The following SFSWAP variants were observed in gnomAD, a reference collection of about 807,000 sequenced individuals.
The protein encoded by SFSWAP is splicing factor SWAP, also known as splicing factor, suppressor of white-apricot homolog.
SFSWAP carries 17 observed loss-of-function variants against 100.7 expected under a neutral mutation model. The ratio of observed to expected loss-of-function variants is 0.17; its 90% CI spans 0.12 to 0.25. The LOEUF (loss-of-function observed/expected upper bound fraction) is 0.25. Among genes scored for constraint, SFSWAP ranks in the 10% least tolerant of loss-of-function variants. The probability of loss-of-function intolerance (pLI) is 1.00; values close to 1 mark genes in which losing one functional copy is unlikely to be tolerated. For synonymous variants in SFSWAP, 504 were observed against 510.1 expected (o/e 0.99, Z 0.16); for missense variants, 1,005 against 1,262.6 (o/e 0.80, Z 3.09).
chr12:131,777,625 G>C (rs1017368925), intron 13 of SFSWAP, among the ~76,000 whole-genome samples: 1 of 152,204 alleles, frequency 6.6e-6, no homozygotes, highest in Non-Finnish European at 1.5e-5. Flanking sequence ...TGTCTTTATA[G>C]CAGCATGATT....
rs758425980 is a variant in SFSWAP at position 131,753,127 on chromosome 12, C to G, written c.1086C>G (p.Thr362=). 1 of 1,613,994 alleles carries G rather than the reference C, an allele frequency of 6.2e-7. No individual in the cohort carries two copies. The highest frequency in any genetic ancestry group is 8.5e-7 in the Non-Finnish European group (1 of 1,180,018). Residue 362 remains threonine (T), a synonymous_variant, in exon 8 of 18, where the codon ACC becomes ACG. Transcript: ENST00000261674. ...CGGGGCAATGTGTCTCCACAGCGACCGTGGCAGCCATGTATTACAGCTACT... is the reference window on the plus strand; with the variant it reads ...CGGGGCAATGTGTCTCCACAGCGACGGTGGCAGCCATGTATTACAGCTACT... ...PSQVEYTADS[T]VAAMYYSYYM...
rs754541610 is a variant in SFSWAP at position 131,725,649 on chromosome 12, G to A, written c.832+19G>A. On this transcript the variant is annotated intron_variant, in intron 5 of 17. Transcript: ENST00000261674. The surrounding 1 kb of genome is among the most constrained non-coding windows in gnomAD (Gnocchi z 4.3). The stretch of plus-strand genomic sequence containing the variant: ...AAAAAAAGTAGGTCCCACTGCGTCT[G>A]TTCCGTCCAGACTTTGGGCCTGTGT... 1 of 1,582,354 alleles carries A rather than the reference G, an allele frequency of 6.3e-7. No individual in the cohort carries two copies. Among genetic ancestry groups the A allele is most frequent in the Non-Finnish European group, 8.6e-7 (1 of 1,157,394 alleles).
At chr12:131,742,327 T>C (rs1194711087) in intron 7 of SFSWAP, among the ~76,000 whole-genome samples, 3 of 152,174 alleles carry the variant, frequency 2.0e-5, no homozygotes, top group Non-Finnish European at 4.4e-5. Flanking sequence ...ATGTAAGAAG[T>C]CTTCAAAACC....
rs1877704165 is a variant in SFSWAP at position 131,714,581 on chromosome 12, T to G, written c.389-241T>G. ...TTAATACAGTTCTTAATCCCAAAAT[T>G]TTCTCAGCAGGAAGAAATTTTCCAC... On this transcript the variant is annotated intron_variant, in intron 2 of 17. Transcript: ENST00000261674. This position sits in a 1 kb window ranked among gnomAD's most constrained non-coding sequence, Gnocchi z 6.0. The G allele has an allele frequency of 1.9e-6, 1 of 522,938 alleles. No individual in the cohort carries two copies. Among genetic ancestry groups the G allele is most frequent in the South Asian group, 2.5e-5 (1 of 39,216 alleles). 32.4% of individuals were successfully genotyped at this position (522,938 alleles called of 1,614,324 possible).
rs147198970 is a variant in SFSWAP, at chr12:131,778,248, T to C, written c.2326T>C (p.Ser776Pro). ...AAGATCACGTTCTCCCAAGTACCAT[T>C]CGTCATCCAAGTCCAGGTCTAGATC... is the stretch of plus-strand genomic sequence containing the variant. The part of the protein sequence containing the change: ...RTRSRSPKYH[S>P]SSKSRSRSHS... Residue 776 changes from serine (S) to proline (P), a missense_variant, in exon 14 of 18, where the codon TCG (serine) becomes CCG (proline). By Grantham distance (74) the Ser-to-Pro change is moderately conservative (BLOSUM62 -1). Around this residue, in one of 7 missense-constraint regions of SFSWAP, gnomAD observed 295 missense variants for 347.9 expected, o/e 0.85. Coordinates refer to ENST00000261674, the MANE Select transcript of SFSWAP (RefSeq NM_004592.4). The surrounding 1 kb of genome is among the most constrained non-coding windows in gnomAD (Gnocchi z 4.2). The C allele has an allele frequency of 1.4e-4, 222 of 1,613,972 alleles. No individual in the cohort carries two copies. The highest frequency in any genetic ancestry group is 3.7e-4 in the Admixed American group (22 of 60,008).
rs759601728 is a variant in SFSWAP at position 131,766,169 on chromosome 12, C to T, written c.2003C>T (p.Ala668Val). Residue 668 changes from alanine (A) to valine (V), a missense_variant, in exon 13 of 18, where the codon GCC becomes GTC. By Grantham distance (64) the Ala-to-Val change is moderately conservative (BLOSUM62 0). This residue lies in a region of SFSWAP where 82 missense variants were observed against 131.0 expected (regional missense o/e 0.63). Coordinates refer to ENST00000261674, the MANE Select transcript of SFSWAP (RefSeq NM_004592.4). ...GCAGCTGCTGCCCGGGAAAAGCTGG[C>T]CCAGGCGTCTAAGGAGTCAAAAGAG... is the stretch of plus-strand genomic sequence containing the variant. ...RLAAAAREKL[A>V]QASKESKEKQ... 1.2e-6 allele frequency: 2 copies of T among 1,613,972 alleles called. No individual in the cohort carries two copies. Among genetic ancestry groups the T allele is most frequent in the South Asian group, 1.1e-5 (1 of 91,064 alleles).
chr12:131,714,873 A>T lies in SFSWAP; in HGVS notation c.440A>T (p.Asn147Ile). ...GCACTAGCAGAGGATGGGAGCTACAATGCCGTGGGGTTCACTTACGGTAGC... is the reference window on the plus strand; with the variant it reads ...GCACTAGCAGAGGATGGGAGCTACATTGCCGTGGGGTTCACTTACGGTAGC... ...SEALAEDGSYNAVGFTYGSDY... is the reference protein window; with the variant it reads ...SEALAEDGSYIAVGFTYGSDY... The change falls in exon 3 of 18, where the codon AAT (asparagine) becomes ATT (isoleucine). Residue 147 changes from asparagine to isoleucine, a missense_variant. Physicochemically the swap from Asn to Ile is moderately radical, Grantham distance 149. This residue lies in a region of SFSWAP where 237 missense variants were observed against 337.0 expected (regional missense o/e 0.70). Coordinates refer to ENST00000261674, the MANE Select transcript of SFSWAP (RefSeq NM_004592.4). The surrounding 1 kb of genome is among the most constrained non-coding windows in gnomAD (Gnocchi z 6.0). The T allele has an allele frequency of 6.2e-7, 1 of 1,614,136 alleles. No individual in the cohort carries two copies. The highest frequency in any genetic ancestry group is 8.5e-7 in the Non-Finnish European group (1 of 1,179,978).
intron 8 of SFSWAP, 142 bp downstream of exon 8, chr12:131,753,505 C>T (rs777997029): frequency 9.9e-5 from 111 of 1,124,064 alleles, no homozygotes; most frequent in Non-Finnish European, 1.3e-4. Context: ...ATTCCAAATC[C>T]CCAAGTTACA....
intron 15 of SFSWAP, among the ~76,000 whole-genome samples, chr12:131,795,390 G>A (rs1057016495): frequency 5.3e-5 from 8 of 152,214 alleles, no homozygotes; most frequent in African/African-American, 1.7e-4. Context: ...GGACAGAAAC[G>A]CTCAGTCCCC....
In SFSWAP at chr12:131,789,537, C is replaced by CA. The variant is rs1247768573; in HGVS notation, c.2534+2957dup. ...GGTAACAGAGTGAAACCCTCTCTTT[C>CA]AAAAAAAAGTGTACAATAAACACCC... On this transcript the variant is annotated intron_variant, in intron 15 of 17. Coordinates refer to ENST00000261674, the MANE Select transcript of SFSWAP (RefSeq NM_004592.4). Among the ~76,000 whole-genome samples the CA allele has an allele frequency of 5.0e-4, 76 of 151,700 alleles. 1 individual carries two copies. Among genetic ancestry groups the CA allele is most frequent in the Admixed American group, 9.8e-4 (15 of 15,250 alleles).
At chr12:131,735,267 G>A (rs945514332) in intron 7 of SFSWAP, among the ~76,000 whole-genome samples, 5 of 152,206 alleles carry the variant, frequency 3.3e-5, no homozygotes, top group African/African-American at 1.2e-4. Context: ...ATTTATGCGC[G>A]CTTTCTGACG....
chr12:131,722,031 A>G (rs1296265132), intron 4 of SFSWAP, among the ~76,000 whole-genome samples: 1 of 152,252 alleles, frequency 6.6e-6, no homozygotes, highest in Non-Finnish European at 1.5e-5. Flanking sequence ...AAGTGTCTGC[A>G]TTATAAGTTG....
intron 17 of SFSWAP, 77 bp downstream of exon 17, chr12:131,799,186 TC>T: frequency 8.3e-7 from 1 of 1,207,184 alleles, no homozygotes; most frequent in South Asian, 1.2e-5. Flanking sequence ...TAATTTTCAT[TC>T]CCTGTCCCTC....
chr12:131,728,234 G>C (rs1389560271), intron 6 of SFSWAP, 59 bp from the exon 7 acceptor site: 12 of 1,597,298 alleles, frequency 7.5e-6, no homozygotes, highest in Non-Finnish European at 1.0e-5. Context: ...TTTTGCAGCA[G>C]AAGAGTTCTG....
rs1351346172 is a variant in SFSWAP, at chr12:131,794,228, T to C, written c.2535-2950T>C. Among the ~76,000 whole-genome samples the C allele has an allele frequency of 3.3e-5, 5 of 151,716 alleles. No homozygotes were observed. Among genetic ancestry groups the C allele is most frequent in the African/African-American group, 1.2e-4 (5 of 41,266 alleles). On this transcript the variant is annotated intron_variant, in intron 15 of 17. Coordinates refer to ENST00000261674, the MANE Select transcript of SFSWAP (RefSeq NM_004592.4). The surrounding 1 kb of genome is among the most constrained non-coding windows in gnomAD (Gnocchi z 4.8). The stretch of plus-strand genomic sequence containing the variant: ...TCGTGGAGGAGTCTCAGACATGCTT[T>C]GCTGAGCAAAAGCAGCCAGACACAG...
chr12:131,778,130 A>T lies in SFSWAP; in HGVS notation c.2208A>T (p.Lys736Asn). 6.2e-7 allele frequency: 1 copy of T among 1,614,138 alleles called. No homozygotes were observed. Among genetic ancestry groups the T allele is most frequent in the Non-Finnish European group, 8.5e-7 (1 of 1,180,034 alleles). Residue 736 changes from lysine to asparagine, a missense_variant, in exon 14 of 18, where the codon AAA becomes AAT. Lys to Asn is a moderately conservative substitution (Grantham distance 94, BLOSUM62 0). Transcript: ENST00000261674. The surrounding 1 kb of genome is among the most constrained non-coding windows in gnomAD (Gnocchi z 4.2). ...GGCCTCTGCCTACTTTAGAAGTTAA[A>T]CCACCCGATAGGCCTTCGAGCAAAA... ...GGRPLPTLEV[K>N]PPDRPSSKSK...
At chr12:131,787,643 C>T (rs1884986197) in intron 15 of SFSWAP, among the ~76,000 whole-genome samples, 1 of 152,120 alleles carries the variant, frequency 6.6e-6, no homozygotes, top group Admixed American at 6.5e-5. Context: ...ACTCAGGGTC[C>T]CAGAGCCTTC....
intron 13 of SFSWAP, among the ~76,000 whole-genome samples, chr12:131,774,948 A>G (rs1883895015): frequency 6.6e-6 from 1 of 152,200 alleles, no homozygotes; most frequent in Admixed American, 6.5e-5. Flanking sequence ...GGAGGCTCAA[A>G]TCATTAAGTT....
intron 13 of SFSWAP, among the ~76,000 whole-genome samples, chr12:131,768,969 T>C (rs754705686): frequency 2.0e-5 from 3 of 151,958 alleles, no homozygotes; most frequent in Non-Finnish European, 2.9e-5. Flanking sequence ...CTACTAAAAA[T>C]ACAAAAAATT....
Sources: allele counts gnomAD v4.1 joint callset (sites outside exome capture counted in the v4.1 genomes callset), GRCh38; gene constraint gnomAD v4.1.1; regional missense constraint gnomAD v4.1.1; non-coding constraint Gnocchi (gnomAD v3.1); transcripts MANE v1.5; gene names NCBI Gene and HGNC (gene_info 2026-07-23, HGNC 2026-07-21).